Variants in VPS41 observed in about 807,000 individuals in gnomAD.
VPS41 encodes VPS41 subunit of HOPS complex.
VPS41 carries 85 observed loss-of-function variants against 130.9 expected under a neutral mutation model. The ratio of observed to expected loss-of-function variants is 0.65; its 90% confidence interval spans 0.55 to 0.78. The LOEUF (loss-of-function observed/expected upper bound fraction) is 0.78, where lower values mean the gene tolerates loss of function less well. Ranked by LOEUF, VPS41 falls within the 30% of genes least tolerant of loss-of-function variation. The pLI, the probability that VPS41 is intolerant of heterozygous loss-of-function variation, is 0.00. For synonymous variants in VPS41, 335 were observed against 332.9 expected (o/e 1.01, Z -0.07); for missense variants, 874 against 1,018.7 (o/e 0.86, Z 1.93).
At chr7:38,873,806 A>C (rs1341183506) in intron 2 of VPS41, among the ~76,000 whole-genome samples, 1 of 152,210 alleles carries the variant, frequency 6.6e-6, no homozygotes, top group Non-Finnish European at 1.5e-5. Context: ...CAGAATTCTA[A>C]ACACTATCTG....
At chr7:38,776,180 A>G (rs991428908) in intron 11 of VPS41, among the ~76,000 whole-genome samples, 8 of 152,206 alleles carry the variant, frequency 5.3e-5, no homozygotes, top group Admixed American at 1.3e-4. Flanking sequence ...ATTTGCACTG[A>G]TAACTGAGAT....
intron 4 of VPS41, among the ~76,000 whole-genome samples, chr7:38,831,590 C>T (rs1204255254): frequency 6.6e-6 from 1 of 152,242 alleles, no homozygotes; most frequent in African/African-American, 2.4e-5. Context: ...CTTCTATATA[C>T]ACGTTTATGT....
chr7:38,817,797 T>C lies in VPS41; in HGVS notation c.450+20A>G, dbSNP rs1185868140. The C allele has an allele frequency of 6.2e-7, 1 of 1,607,316 alleles. No homozygotes were observed. The highest frequency in any genetic ancestry group is 1.7e-5 in the Admixed American group (1 of 60,014). The stretch of plus-strand genomic sequence containing the variant: ...CACCCCTCAAGGCTACATATCAAGG[T>C]AGAGACACACAGCACTTACCTTCTT... On this transcript the variant is annotated intron_variant, in intron 7 of 28. Transcript: ENST00000310301.
In VPS41 at chr7:38,814,792, G is replaced by C. The variant is rs187276950; in HGVS notation, c.450+3025C>G. ...ATTCTAATACCTTCAAGAAATAGGG[G>C]ACAACTGTAAAATCTCTAACTCTTG... On this transcript the variant is annotated intron_variant, in intron 7 of 28. Transcript: ENST00000310301. 4.5e-3 allele frequency among the ~76,000 whole-genome samples: 679 copies of C among 152,212 alleles called. 4 individuals are homozygous for C. The highest frequency in any genetic ancestry group is 0.016 in the African/African-American group (656 of 41,526).
At chr7:38,730,627 T>C (rs960029807) in intron 25 of VPS41, among the ~76,000 whole-genome samples, 6 of 151,976 alleles carry the variant, frequency 3.9e-5, no homozygotes, top group Non-Finnish European at 8.8e-5. Flanking sequence ...AACATACAGG[T>C]AGAAGAGAAA....
At chr7:38,827,946 T>C (rs1584415424) in intron 5 of VPS41, among the ~76,000 whole-genome samples, 2 of 152,156 alleles carry the variant, frequency 1.3e-5, no homozygotes, top group East Asian at 3.8e-4. Flanking sequence ...TTATTACTGT[T>C]GTTGTTCTTG....
chr7:38,796,923 T>C, intron 7 of VPS41, 59 bp from the exon 8 acceptor site: 2 of 1,603,392 alleles, frequency 1.2e-6, no homozygotes, highest in Non-Finnish European at 1.7e-6. Flanking sequence ...TATCAGGTTC[T>C]TTACTTACTA....
At chr7:38,895,972 G>C (rs1786980448) in intron 2 of VPS41, among the ~76,000 whole-genome samples, 1 of 152,180 alleles carries the variant, frequency 6.6e-6, no homozygotes. Flanking sequence ...CCATCTGACT[G>C]TCAGCTCCAG....
At chr7:38,849,887 C>T (rs904271121) in intron 4 of VPS41, among the ~76,000 whole-genome samples, 1 of 150,540 alleles carries the variant, frequency 6.6e-6, no homozygotes, top group South Asian at 2.1e-4. Context: ...GCCAGAGACA[C>T]ACCCTTCCCT....
intron 14 of VPS41, among the ~76,000 whole-genome samples, chr7:38,768,364 T>C (rs1202488712): frequency 6.6e-6 from 1 of 151,840 alleles, no homozygotes; most frequent in East Asian, 1.9e-4. Context: ...TTCTACTTTA[T>C]GTACAAAAAG....
intron 2 of VPS41, among the ~76,000 whole-genome samples, chr7:38,886,541 G>A (rs1229895415): frequency 2.0e-5 from 3 of 152,224 alleles, no homozygotes; most frequent in South Asian, 4.1e-4. Flanking sequence ...AGAGCCCACC[G>A]CAGTTCAGCA....
intron 4 of VPS41, among the ~76,000 whole-genome samples, chr7:38,830,720 A>G (rs1206860528): frequency 6.6e-6 from 1 of 152,200 alleles, no homozygotes; most frequent in Admixed American, 6.5e-5. Flanking sequence ...ACATTTTGAC[A>G]TGGAGGATGA....
chr7:38,823,083 T>G (rs1215737844), intron 5 of VPS41, among the ~76,000 whole-genome samples: 1 of 152,196 alleles, frequency 6.6e-6, no homozygotes, highest in Admixed American at 6.5e-5. Flanking sequence ...CTCCCCAAAT[T>G]CACTGTGTTG....
intron 4 of VPS41, among the ~76,000 whole-genome samples, chr7:38,833,267 C>T (rs1177427904): frequency 1.3e-5 from 2 of 152,196 alleles, no homozygotes; most frequent in African/African-American, 4.8e-5. Flanking sequence ...CCTAACTCTA[C>T]TAGAAATCTA....
intron 2 of VPS41, among the ~76,000 whole-genome samples, chr7:38,889,573 A>AAAAAAAAAAC (rs1562625397): frequency 1.4e-4 from 21 of 145,438 alleles, no homozygotes; most frequent in South Asian, 2.1e-4. Context: ...AAAAAAAAAA[A>AAAAAAAAAAC]ACCTTAAAAC....
chr7:38,730,564 A>G (rs1395606532), intron 25 of VPS41, among the ~76,000 whole-genome samples: 4 of 151,980 alleles, frequency 2.6e-5, no homozygotes, highest in Non-Finnish European at 5.9e-5. Context: ...CCAGGAATCA[A>G]TTTTTTTTGG....
At chr7:38,739,062 A>G (rs913195886) in intron 25 of VPS41, among the ~76,000 whole-genome samples, 9 of 152,238 alleles carry the variant, frequency 5.9e-5, no homozygotes, top group African/African-American at 2.2e-4. Flanking sequence ...ATGATCTCCC[A>G]AAGCAGTGCC....
intron 2 of VPS41, among the ~76,000 whole-genome samples, chr7:38,890,738 T>C (rs1362817416): frequency 6.6e-6 from 1 of 151,808 alleles, no homozygotes; most frequent in Non-Finnish European, 1.5e-5. Flanking sequence ...CAGTCTGGAG[T>C]GCAGTGGCAT....
rs560866774 is a variant in VPS41, at chr7:38,815,902, G to A, written c.450+1915C>T. On this transcript the variant is annotated intron_variant, in intron 7 of 28. Coordinates refer to ENST00000310301, the MANE Select transcript of VPS41 (RefSeq NM_014396.4). Reference sequence around the variant, plus strand: ...GGGACCTCATTTTGTGATCTTGTGAGTTAATACTCCCCAATAAACTACTAT... The same window carrying A: ...GGGACCTCATTTTGTGATCTTGTGAATTAATACTCCCCAATAAACTACTAT... 2.7e-5 allele frequency among the ~76,000 whole-genome samples: 4 copies of A among 148,098 alleles called. No individual in the cohort carries two copies. In the South Asian group the frequency reaches 8.7e-4, roughly 32 times the overall value.
Sources: allele counts gnomAD v4.1 joint callset (sites outside exome capture counted in the v4.1 genomes callset), GRCh38; gene constraint gnomAD v4.1.1; transcripts MANE v1.5; gene names NCBI Gene and HGNC (gene_info 2026-07-23, HGNC 2026-07-21).